Variants in GARIN1B observed in about 807,000 individuals in gnomAD.
The protein encoded by GARIN1B is Golgi-associated RAB2 interactor protein 1B.
chr7:128,709,504 A>G, the GARIN1B span, among the ~76,000 whole-genome samples: 1 of 152,296 alleles, frequency 6.6e-6, no homozygotes, highest in South Asian at 2.1e-4. Context: ...TAAGCCATTT[A>G]TAGAATCATG....
the GARIN1B span, chr7:128,723,185 T>A: frequency 8.1e-6 from 13 of 1,599,190 alleles, no homozygotes; most frequent in Non-Finnish European, 1.1e-5. Context: ...TCTGCTTTTT[T>A]TCTTCATATA....
chr7:128,715,719 CTT>C, the GARIN1B span: 5 of 1,564,042 alleles, frequency 3.2e-6, no homozygotes, highest in Middle Eastern at 1.7e-4. Context: ...GAATAGCACT[CTT>C]TGATTCTTCG....
chr7:128,712,539 C>T, the GARIN1B span, among the ~76,000 whole-genome samples: 1 of 152,212 alleles, frequency 6.6e-6, no homozygotes, highest in African/African-American at 2.4e-5. Flanking sequence ...CTCTTGGCTT[C>T]ACAAAACCTG....
chr7:128,729,904 A>T, the GARIN1B span: 1 of 1,613,038 alleles, frequency 6.2e-7, no homozygotes, highest in Non-Finnish European at 8.5e-7. Context: ...TGATCTAGGG[A>T]AAGATTCTTC....
the GARIN1B span, among the ~76,000 whole-genome samples, chr7:128,727,632 A>G: frequency 6.6e-6 from 1 of 152,000 alleles, no homozygotes; most frequent in Admixed American, 6.6e-5. Context: ...CACCCATCTC[A>G]CCTGCTCACT....
chr7:128,724,976 A>G, the GARIN1B span: 2 of 935,516 alleles, frequency 2.1e-6, no homozygotes, highest in Non-Finnish European at 2.8e-6. Context: ...GTAAAATGGA[A>G]ATGAAAATAG....
At chr7:128,727,810 A>G in the GARIN1B span, among the ~76,000 whole-genome samples, 1 of 151,478 alleles carries the variant, frequency 6.6e-6, no homozygotes, top group African/African-American at 2.4e-5. Context: ...CCTTCACACA[A>G]CACCTTCCTG....
At chr7:128,717,840 G>A in the GARIN1B span, among the ~76,000 whole-genome samples, 1 of 151,738 alleles carries the variant, frequency 6.6e-6, no homozygotes, top group African/African-American at 2.4e-5. Flanking sequence ...GCTTGTCTGG[G>A]ACGAAGTAGC....
chr7:128,725,000 C>T, the GARIN1B span: 4 of 676,106 alleles, frequency 5.9e-6, no homozygotes, highest in Non-Finnish European at 8.2e-6. Flanking sequence ...CAACGCCATC[C>T]AGATGTCAGG....
At chr7:128,729,642 C>A in the GARIN1B span, among the ~76,000 whole-genome samples, 2 of 152,276 alleles carry the variant, frequency 1.3e-5, no homozygotes, top group Admixed American at 1.3e-4. Context: ...GTCTTGTTCA[C>A]GTGACATAGT....
chr7:128,715,330 TC>T, the GARIN1B span: 3 of 1,515,040 alleles, frequency 2.0e-6, no homozygotes, highest in Non-Finnish European at 2.6e-6. Flanking sequence ...TGTCATCCAT[TC>T]ATCATTGTGA....
the GARIN1B span, among the ~76,000 whole-genome samples, chr7:128,725,817 T>C: frequency 1.4e-5 from 2 of 146,292 alleles, no homozygotes; most frequent in African/African-American, 4.9e-5. Flanking sequence ...CAACACAAAA[T>C]TAGACACTGT....
chr7:128,713,232 G>A, the GARIN1B span, among the ~76,000 whole-genome samples: 2 of 152,208 alleles, frequency 1.3e-5, no homozygotes, highest in South Asian at 2.1e-4. Flanking sequence ...GCTTGAACTC[G>A]GGACATGGAG....
chr7:128,716,813 G>A, the GARIN1B span: 1 of 1,604,946 alleles, frequency 6.2e-7, no homozygotes, highest in Non-Finnish European at 8.5e-7. Context: ...TGTGTTGCAG[G>A]TCAAAAGGGG....
the GARIN1B span, among the ~76,000 whole-genome samples, chr7:128,723,019 C>G: frequency 1.9e-4 from 29 of 151,966 alleles, no homozygotes; most frequent in Admixed American, 3.9e-4. Context: ...ACATTTTTAC[C>G]AATACGAGGA....
the GARIN1B span, among the ~76,000 whole-genome samples, chr7:128,728,165 A>G: frequency 6.6e-6 from 1 of 152,162 alleles, no homozygotes; most frequent in African/African-American, 2.4e-5. Flanking sequence ...TAAAGGGGGC[A>G]GGGCGCGGTG....
At chr7:128,727,083 G>A in the GARIN1B span, among the ~76,000 whole-genome samples, 1 of 152,130 alleles carries the variant, frequency 6.6e-6, no homozygotes, top group East Asian at 1.9e-4. Context: ...AATGTATCTT[G>A]TATTCTTTAC....
At chr7:128,730,017 A>T in the GARIN1B span, 10 of 1,614,108 alleles carry the variant, frequency 6.2e-6, no homozygotes, top group Non-Finnish European at 7.6e-6. Flanking sequence ...AGCCCCTCTC[A>T]CTACTCAGCA....
chr7:128,729,356 C>T, the GARIN1B span, among the ~76,000 whole-genome samples: 2 of 152,196 alleles, frequency 1.3e-5, no homozygotes, highest in African/African-American at 4.8e-5. Context: ...CTTTAATGTC[C>T]AAACAGTCCC....
Sources: allele counts gnomAD v4.1 joint callset (sites outside exome capture counted in the v4.1 genomes callset), GRCh38; gene constraint gnomAD v4.1.1; transcripts MANE v1.5; gene names NCBI Gene and HGNC (gene_info 2026-07-23, HGNC 2026-07-21).